The following EPHA6 variants were observed in gnomAD, a reference collection of about 807,000 sequenced individuals.
The protein encoded by EPHA6 is EPH receptor A6.
A neutral mutation model predicts 112.0 loss-of-function variants in EPHA6; 50 were observed. The ratio of observed to expected loss-of-function variants is 0.45; its 90% CI spans 0.36 to 0.56. EPHA6 has a LOEUF of 0.56. Among genes scored for constraint, EPHA6 ranks in the 20% least tolerant of loss-of-function variants. The pLI is 0.00. For synonymous variants in EPHA6, 529 were observed against 490.7 expected (o/e 1.08, Z -1.03); for missense variants, 1,280 against 1,417.4 (o/e 0.90, Z 1.56).
chr3:97,054,792 A>G (rs953459447), intron 3 of EPHA6, among the ~76,000 whole-genome samples: 5 of 152,064 alleles, frequency 3.3e-5, no homozygotes, highest in South Asian at 2.1e-4. Context: ...TTATATGTCA[A>G]TTATGTATTT....
At chr3:97,107,365 C>A (rs1431297497) in intron 3 of EPHA6, among the ~76,000 whole-genome samples, 1 of 152,016 alleles carries the variant, frequency 6.6e-6, no homozygotes, top group Non-Finnish European at 1.5e-5. Flanking sequence ...CTTTCATAAC[C>A]GAGTCATCCT....
chr3:96,878,894 A>G (rs1444706330), intron 2 of EPHA6, among the ~76,000 whole-genome samples: 1 of 150,792 alleles, frequency 6.6e-6, no homozygotes, highest in East Asian at 2.0e-4. Flanking sequence ...ATTTATCCTC[A>G]ATATTTAACA....
At chr3:97,025,614 C>G (rs1207815601) in intron 3 of EPHA6, among the ~76,000 whole-genome samples, 1 of 152,040 alleles carries the variant, frequency 6.6e-6, no homozygotes, top group South Asian at 2.1e-4. Flanking sequence ...TTTTTAAAAA[C>G]AGTCTCACTC....
At chr3:97,168,251 A>G (rs2076589574) in intron 3 of EPHA6, among the ~76,000 whole-genome samples, 3 of 152,258 alleles carry the variant, frequency 2.0e-5, no homozygotes, top group African/African-American at 7.2e-5. Context: ...CATTCTCAAC[A>G]ACGATTCTAA....
At chr3:97,513,931 T>A (rs574424475) in intron 10 of EPHA6, among the ~76,000 whole-genome samples, 1 of 152,138 alleles carries the variant, frequency 6.6e-6, no homozygotes, top group Non-Finnish European at 1.5e-5. Flanking sequence ...AGAATGCCGT[T>A]AACAGAAGAA....
chr3:97,333,848 A>T lies in EPHA6; in HGVS notation c.1607-71302A>T, dbSNP rs115282380. 3.6e-3 allele frequency among the ~76,000 whole-genome samples: 551 copies of T among 152,106 alleles called. 1 individual carries two copies. Among genetic ancestry groups the T allele is most frequent in the African/African-American group, 0.012 (514 of 41,528 alleles). On this transcript the variant is annotated intron_variant, in intron 5 of 17. Coordinates refer to ENST00000389672, the MANE Select transcript of EPHA6 (RefSeq NM_001080448.3). ...AGAAATTCCAGTACTACATTGAATAATAGTAGCAGAGTAGACATCCTGGCC... is the reference window on the plus strand; with the variant it reads ...AGAAATTCCAGTACTACATTGAATATTAGTAGCAGAGTAGACATCCTGGCC...
chr3:97,532,683 G>C (rs1577684823), intron 11 of EPHA6, 140 bp downstream of exon 11: 1 of 688,830 alleles, frequency 1.5e-6, no homozygotes, highest in Non-Finnish European at 2.3e-6. Flanking sequence ...TCAGAGACTT[G>C]ATCCTAGGCT....
chr3:97,274,481 A>C (rs769143967), intron 5 of EPHA6, among the ~76,000 whole-genome samples: 7 of 152,202 alleles, frequency 4.6e-5, no homozygotes, highest in Non-Finnish European at 8.8e-5. Context: ...CGTAGTGAGG[A>C]AACCTCTTTC....
At chr3:97,647,953 GA>G (rs1377550209) in intron 14 of EPHA6, among the ~76,000 whole-genome samples, 8 of 152,108 alleles carry the variant, frequency 5.3e-5, no homozygotes, top group African/African-American at 1.9e-4. Flanking sequence ...TCCATTTTAA[GA>G]GATAGGTTTC....
At chr3:97,023,173 T>C (rs2044521307) in intron 3 of EPHA6, among the ~76,000 whole-genome samples, 1 of 152,052 alleles carries the variant, frequency 6.6e-6, no homozygotes, top group African/African-American at 2.4e-5. Flanking sequence ...CCACCTCCTG[T>C]TTTCAAGCAA....
At chr3:97,184,340 T>C (rs1446589433) in intron 3 of EPHA6, among the ~76,000 whole-genome samples, 1 of 152,096 alleles carries the variant, frequency 6.6e-6, no homozygotes, top group Non-Finnish European at 1.5e-5. Flanking sequence ...TCCCTAGCCA[T>C]ATATGAAAGT....
chr3:97,129,628 T>G (rs1203620458), intron 3 of EPHA6, among the ~76,000 whole-genome samples: 2 of 152,182 alleles, frequency 1.3e-5, no homozygotes, highest in African/African-American at 4.8e-5. Flanking sequence ...AGGCACTTTA[T>G]TCAGGATTAT....
chr3:97,079,041 A>C (rs972208281), intron 3 of EPHA6, among the ~76,000 whole-genome samples: 17 of 152,278 alleles, frequency 1.1e-4, no homozygotes, highest in African/African-American at 4.1e-4. Flanking sequence ...AAATCATTCT[A>C]TTACAAAGAC....
chr3:97,043,250 T>C (rs932849868), intron 3 of EPHA6, among the ~76,000 whole-genome samples: 4 of 152,090 alleles, frequency 2.6e-5, no homozygotes, highest in Admixed American at 1.3e-4. Context: ...GAAGATGTAA[T>C]ATCTCAGTGG....
At chr3:96,853,988 C>G (rs112127944) in intron 1 of EPHA6, among the ~76,000 whole-genome samples, 14 of 151,916 alleles carry the variant, frequency 9.2e-5, no homozygotes, top group African/African-American at 3.4e-4. Flanking sequence ...AAGAACTCTT[C>G]AGAGCCAGAA....
At chr3:96,905,023 C>T (rs542553544) in intron 2 of EPHA6, among the ~76,000 whole-genome samples, 1 of 152,128 alleles carries the variant, frequency 6.6e-6, no homozygotes, top group East Asian at 1.9e-4. Flanking sequence ...GCCATATATT[C>T]TTTACTGGTA....
chr3:97,028,280 G>A (rs1003637138), intron 3 of EPHA6, among the ~76,000 whole-genome samples: 2 of 152,060 alleles, frequency 1.3e-5, no homozygotes, highest in African/African-American at 4.8e-5. Flanking sequence ...TTAAATAACA[G>A]TATCCCCATT....
intron 7 of EPHA6, among the ~76,000 whole-genome samples, chr3:97,468,887 G>A (rs2091142260): frequency 6.6e-6 from 1 of 151,460 alleles, no homozygotes; most frequent in African/African-American, 2.4e-5. Flanking sequence ...ATATTATTCT[G>A]CCCTCAAGAG....
At chr3:97,069,253 A>C (rs956659680) in intron 3 of EPHA6, among the ~76,000 whole-genome samples, 4 of 152,174 alleles carry the variant, frequency 2.6e-5, no homozygotes, top group African/African-American at 9.6e-5. Context: ...CAATGTTATT[A>C]AGAAAATCAT....
Sources: gnomAD v4.1 joint callset for allele counts (sites outside exome capture counted in the v4.1 genomes callset) on GRCh38, gnomAD v4.1.1 for gene constraint, MANE v1.5 for transcripts, NCBI Gene and HGNC (gene_info 2026-07-23, HGNC 2026-07-21) for gene names.